The following SHOC1 variants were observed in gnomAD, a reference collection of about 807,000 sequenced individuals.
The protein encoded by SHOC1 is protein shortage in chiasmata 1 ortholog.
SHOC1 carries 136 observed loss-of-function variants against 179.2 expected under a neutral mutation model. The ratio of observed to expected loss-of-function variants is 0.76; its 90% CI spans 0.66 to 0.87. SHOC1 has a LOEUF of 0.87. Ranked by LOEUF, SHOC1 falls within the 40% of genes least tolerant of loss-of-function variation. SHOC1 has a pLI of 0.00. For synonymous variants in SHOC1, 489 were observed against 586.6 expected, an observed-to-expected ratio of 0.83 and a Z score of 2.41; for missense variants, 1,538 against 1,700.8, an observed-to-expected ratio of 0.90 and a Z score of 1.68.
At chr9:111,769,986 G>GTTTTTGTTTTATTTTTTTTTTTTTTTTT (rs1835522652) in intron 5 of SHOC1, among the ~76,000 whole-genome samples, 1 of 77,662 alleles carries the variant, frequency 1.3e-5, no homozygotes, top group Non-Finnish European at 2.4e-5. Context: ...TTTTTTTTTT[G>GTTTTTGTTTTATTTTTTTTTTTTTTTTT]TTTTTTTTTT....
intron 10 of SHOC1, 95 bp from the exon 11 acceptor site, chr9:111,741,665 G>A (rs908661591): frequency 1.0e-5 from 6 of 588,740 alleles, no homozygotes; most frequent in East Asian, 7.4e-5. Context: ...GCAGAGTCTC[G>A]CTCTGTCGCC....
At chr9:111,775,697 A>C in intron 5 of SHOC1, 94 bp downstream of exon 5, 1 of 1,054,552 alleles carries the variant, frequency 9.5e-7, no homozygotes, top group Non-Finnish European at 1.3e-6. Flanking sequence ...TTTAATAAAA[A>C]ATTTTTTATT....
Position 111,769,986 on chromosome 9 carries a change from G to GT in SHOC1, c.442+5804dup, listed in dbSNP as rs769266659. Among the ~76,000 whole-genome samples, 206 of 77,554 alleles carry GT rather than the reference G, an allele frequency of 2.7e-3. 1 individual carries two copies. Among genetic ancestry groups the GT allele is most frequent in the Middle Eastern group, 7.4e-3 (1 of 136 alleles). 50.9% of individuals were successfully genotyped at this position (77,554 alleles called of 152,430 possible). On this transcript the variant is annotated intron_variant, in intron 5 of 27. Transcript: ENST00000682961. ...AGGTTTTATCTTCTGTTTTTTTTTT[G>GT]TTTTTTTTTTTTTTTTTTTTTTAGT...
At chr9:111,710,196 A>C (rs2131371436) in intron 18 of SHOC1, among the ~76,000 whole-genome samples, 1 of 152,284 alleles carries the variant, frequency 6.6e-6, no homozygotes, top group East Asian at 1.9e-4. Context: ...GGTACTAGTA[A>C]GGATCTTATG....
At chr9:111,705,586 T>C (rs938110145) in intron 20 of SHOC1, among the ~76,000 whole-genome samples, 1 of 151,968 alleles carries the variant, frequency 6.6e-6, no homozygotes, top group Non-Finnish European at 1.5e-5. Flanking sequence ...CACTATACAC[T>C]AAAAACAGAG....
At chr9:111,750,113 C>T (rs1834507987) in intron 8 of SHOC1, among the ~76,000 whole-genome samples, 1 of 152,146 alleles carries the variant, frequency 6.6e-6, no homozygotes, top group African/African-American at 2.4e-5. Context: ...CACTGTCTTC[C>T]ACAATGGTTG....
At chr9:111,787,707 T>A (rs2131647444) in intron 2 of SHOC1, among the ~76,000 whole-genome samples, 1 of 152,322 alleles carries the variant, frequency 6.6e-6, no homozygotes, top group East Asian at 1.9e-4. Context: ...ACTTAGTTGA[T>A]AAAGCAGCAG....
intron 22 of SHOC1, among the ~76,000 whole-genome samples, chr9:111,703,584 T>C (rs1419611949): frequency 5.3e-5 from 8 of 152,184 alleles, no homozygotes; most frequent in African/African-American, 1.9e-4. Context: ...GAAATTGCTT[T>C]TTTAAAGCTT....
intron 4 of SHOC1, among the ~76,000 whole-genome samples, chr9:111,779,182 A>G (rs1252949114): frequency 2.6e-5 from 4 of 152,104 alleles, no homozygotes; most frequent in African/African-American, 9.7e-5. Flanking sequence ...TGAAAACATT[A>G]TATTAAGTAA....
At position 111,704,920 on chromosome 9, in the gene SHOC1, T is replaced by C. The variant is rs571237558; in HGVS notation, c.2855+327A>G. On this transcript the variant is annotated intron_variant, in intron 21 of 27. Coordinates refer to ENST00000682961, the MANE Select transcript of SHOC1 (RefSeq NM_001378211.1). Reference sequence around the variant, plus strand: ...GAAAAAAGCACACAAAATGTTCATATTTGCTGGTAACAAAAGAAATGCAAG... The same window carrying C: ...GAAAAAAGCACACAAAATGTTCATACTTGCTGGTAACAAAAGAAATGCAAG... Among the ~76,000 whole-genome samples the C allele has an allele frequency of 2.0e-5, 3 of 152,256 alleles. No individual in the cohort carries two copies. The East Asian group carries it at 5.8e-4, about 29-fold the overall frequency.
At chr9:111,702,980 C>T (rs1052371622) in intron 22 of SHOC1, among the ~76,000 whole-genome samples, 5 of 151,990 alleles carry the variant, frequency 3.3e-5, no homozygotes, top group East Asian at 1.9e-4. Context: ...TGCAGTGGAG[C>T]GTGCCTGTAG....
chr9:111,782,263 C>T (rs550364992), intron 3 of SHOC1, among the ~76,000 whole-genome samples: 5 of 152,178 alleles, frequency 3.3e-5, no homozygotes, highest in Admixed American at 3.3e-4. Context: ...GTTCTGGAAA[C>T]ACTCTGCCTA....
At chr9:111,733,387 A>G (rs1833676794) in intron 12 of SHOC1, among the ~76,000 whole-genome samples, 1 of 152,204 alleles carries the variant, frequency 6.6e-6, no homozygotes, top group Non-Finnish European at 1.5e-5. Context: ...GATGTCAAGT[A>G]ACAACAGGAC....
intron 20 of SHOC1, 39 bp from the exon 21 acceptor site, chr9:111,705,403 C>A: frequency 2.0e-6 from 2 of 991,194 alleles, no homozygotes; most frequent in East Asian, 2.8e-5. Flanking sequence ...CTCTTTTATT[C>A]TCATCTCCCA....
At chr9:111,759,249 C>T in intron 5 of SHOC1, 1 of 1,613,522 alleles carries the variant, frequency 6.2e-7, no homozygotes, top group Non-Finnish European at 8.5e-7. Context: ...ATCATTTTAC[C>T]TCTTAATATC....
intron 2 of SHOC1, among the ~76,000 whole-genome samples, chr9:111,790,962 T>A (rs1056237593): frequency 1.3e-5 from 2 of 152,304 alleles, no homozygotes; most frequent in East Asian, 1.9e-4. Context: ...AAGTTGAGCA[T>A]CCTTAATCCA....
At chr9:111,715,152 A>C (rs909748018) in intron 16 of SHOC1, among the ~76,000 whole-genome samples, 1 of 152,202 alleles carries the variant, frequency 6.6e-6, no homozygotes, top group Non-Finnish European at 1.5e-5. Context: ...ACATAGATTC[A>C]TCCTTGAAGG....
intron 12 of SHOC1, among the ~76,000 whole-genome samples, chr9:111,728,309 T>C (rs961866055): frequency 1.3e-5 from 2 of 152,192 alleles, no homozygotes; most frequent in Non-Finnish European, 2.9e-5. Context: ...CTTTTGCTCA[T>C]AGGCTTATGA....
At chr9:111,727,168 C>T (rs1470153243) in intron 13 of SHOC1, among the ~76,000 whole-genome samples, 2 of 152,048 alleles carry the variant, frequency 1.3e-5, no homozygotes, top group African/African-American at 4.8e-5. Flanking sequence ...GAATATAAGA[C>T]AGTTACAACT....
Sources: gnomAD v4.1 joint callset for allele counts (sites outside exome capture counted in the v4.1 genomes callset) on GRCh38, gnomAD v4.1.1 for gene constraint, MANE v1.5 for transcripts, NCBI Gene and HGNC (gene_info 2026-07-23, HGNC 2026-07-21) for gene names.